TOP6BL: variants seen among roughly 807,000 people sequenced by gnomAD.
The protein encoded by TOP6BL is TOP6B like initiator of meiotic double strand breaks.
chr11:66,831,959 T>C, the TOP6BL span, among the ~76,000 whole-genome samples: 1 of 130,562 alleles, frequency 7.7e-6, no homozygotes, highest in Non-Finnish European at 1.6e-5. Flanking sequence ...ATCATGCCAC[T>C]GTACTCCAGC....
the TOP6BL span, chr11:66,758,178 C>G: frequency 1.0e-6 from 1 of 975,142 alleles, no homozygotes; most frequent in Non-Finnish European, 1.2e-6. Flanking sequence ...CTTTTTGTCC[C>G]CTCGTTGGTG....
chr11:66,843,321 C>T, the TOP6BL span: 10 of 1,527,356 alleles, frequency 6.5e-6, no homozygotes, highest in African/African-American at 1.4e-5. Flanking sequence ...CGCGCGCTCA[C>T]CAAGTCCTCT....
chr11:66,843,360 G>A, the TOP6BL span: 1 of 1,252,944 alleles, frequency 8.0e-7, no homozygotes, highest in African/African-American at 1.7e-5. Flanking sequence ...TCGGGCCCGG[G>A]CGGGGCGGGG....
At chr11:66,760,474 T>C in the TOP6BL span, among the ~76,000 whole-genome samples, 6 of 128,166 alleles carry the variant, frequency 4.7e-5, no homozygotes, top group Non-Finnish European at 6.7e-5. Context: ...GAAAACATAC[T>C]GTGTATTAAA....
At chr11:66,798,266 A>G in the TOP6BL span, among the ~76,000 whole-genome samples, 24 of 152,324 alleles carry the variant, frequency 1.6e-4, no homozygotes, top group East Asian at 4.0e-3. Context: ...TGTTCCACAT[A>G]TGAAAATAAT....
chr11:66,761,228 G>C, the TOP6BL span, among the ~76,000 whole-genome samples: 1 of 151,952 alleles, frequency 6.6e-6, no homozygotes, highest in African/African-American at 2.4e-5. Context: ...AAAATTAGCC[G>C]GGCGTGGTGG....
the TOP6BL span, among the ~76,000 whole-genome samples, chr11:66,745,162 G>T: frequency 1.3e-5 from 2 of 152,136 alleles, no homozygotes; most frequent in Non-Finnish European, 2.9e-5. Flanking sequence ...AAGCTGCGGC[G>T]TTTGCCGAGC....
the TOP6BL span, among the ~76,000 whole-genome samples, chr11:66,834,467 A>G: frequency 1.3e-5 from 2 of 152,158 alleles, no homozygotes; most frequent in African/African-American, 2.4e-5. Flanking sequence ...CTACAAGACT[A>G]AGGATGATAG....
chr11:66,816,135 T>A, the TOP6BL span: 1 of 1,607,166 alleles, frequency 6.2e-7, no homozygotes, highest in Non-Finnish European at 8.5e-7. Context: ...AAGGACAAAC[T>A]CTGCTGCTTT....
the TOP6BL span, among the ~76,000 whole-genome samples, chr11:66,760,994 C>CTTTTTTTTTT: frequency 7.3e-6 from 1 of 137,356 alleles, no homozygotes; most frequent in Non-Finnish European, 1.6e-5. Flanking sequence ...CTTAAAGCAC[C>CTTTTTTTTTT]TTTTTTTTTT....
At chr11:66,828,235 C>A in the TOP6BL span, 1 of 1,530,396 alleles carries the variant, frequency 6.5e-7, no homozygotes, top group Non-Finnish European at 9.0e-7. Flanking sequence ...AGTACTGGAA[C>A]TCAGCATGTT....
the TOP6BL span, chr11:66,796,340 T>A: frequency 6.2e-7 from 1 of 1,610,494 alleles, no homozygotes; most frequent in East Asian, 2.2e-5. Flanking sequence ...ATTTTTTACG[T>A]AAAATCATCA....
chr11:66,837,367 T>TC, the TOP6BL span, among the ~76,000 whole-genome samples: 1 of 151,980 alleles, frequency 6.6e-6, no homozygotes, highest in African/African-American at 2.4e-5. Context: ...GACGTCATGA[T>TC]CCGCCTGCCT....
the TOP6BL span, among the ~76,000 whole-genome samples, chr11:66,837,435 C>T: frequency 4.2e-5 from 6 of 141,208 alleles, no homozygotes; most frequent in Admixed American, 4.3e-4. Flanking sequence ...CCGAGAAGCA[C>T]AAATTTTTAA....
the TOP6BL span, among the ~76,000 whole-genome samples, chr11:66,806,395 G>A: frequency 6.6e-6 from 1 of 152,290 alleles, no homozygotes; most frequent in East Asian, 1.9e-4. Flanking sequence ...AGCATATAAT[G>A]AGTACTCAAT....
the TOP6BL span, among the ~76,000 whole-genome samples, chr11:66,754,326 T>C: frequency 6.6e-6 from 1 of 152,198 alleles, no homozygotes; most frequent in South Asian, 2.1e-4. Flanking sequence ...ACTGGTTCTT[T>C]TTCCTTTTTA....
At chr11:66,838,730 ATTTTAT>A in the TOP6BL span, among the ~76,000 whole-genome samples, 3 of 151,904 alleles carry the variant, frequency 2.0e-5, no homozygotes, top group East Asian at 1.9e-4. Flanking sequence ...CCTGAATTTT[ATTTTAT>A]TTTTATTTTT....
At chr11:66,808,626 T>G in the TOP6BL span, among the ~76,000 whole-genome samples, 1 of 152,180 alleles carries the variant, frequency 6.6e-6, no homozygotes, top group Non-Finnish European at 1.5e-5. Context: ...TGAAATACCT[T>G]TTAACAAGAA....
chr11:66,799,156 G>A, the TOP6BL span, among the ~76,000 whole-genome samples: 3 of 147,320 alleles, frequency 2.0e-5, no homozygotes, highest in Non-Finnish European at 4.4e-5. Context: ...GCAGTGAGCC[G>A]AGATTGTGTC....
Sources: allele counts gnomAD v4.1 joint callset (sites outside exome capture counted in the v4.1 genomes callset), GRCh38; gene constraint gnomAD v4.1.1; transcripts MANE v1.5; gene names NCBI Gene and HGNC (gene_info 2026-07-23, HGNC 2026-07-21).